Variants in MC2R observed in about 807,000 individuals in gnomAD.
The protein encoded by MC2R is melanocortin 2 receptor.
In MC2R, 9 loss-of-function variants were observed where a neutral mutation model predicts 9.8. That is an observed-to-expected ratio of 0.92 (90% CI 0.55 to 1.60). The LOEUF is 1.60. Among genes scored for constraint, MC2R ranks in the 40% most tolerant of loss-of-function variants. The probability of loss-of-function intolerance (pLI) is 0.00; values close to 1 mark genes in which losing one functional copy is unlikely to be tolerated. For missense variants in MC2R, 370 were observed against 389.0 expected (o/e 0.95, Z 0.41); for synonymous variants, 185 against 154.7 (o/e 1.20, Z -1.45).
chr18:13,900,081 A>G (rs2045369857), intron 1 of MC2R, among the ~76,000 whole-genome samples: 1 of 152,168 alleles, frequency 6.6e-6, no homozygotes, highest in Non-Finnish European at 1.5e-5. Flanking sequence ...AAAAATATGT[A>G]TAGAAACAAC....
At chr18:13,900,217 T>C (rs1485427742) in intron 1 of MC2R, among the ~76,000 whole-genome samples, 1 of 152,094 alleles carries the variant, frequency 6.6e-6, no homozygotes, top group Non-Finnish European at 1.5e-5. Context: ...TAAGATAGTA[T>C]TTGCAAGCCT....
chr18:13,884,440 G>T lies in MC2R; in HGVS notation c.*185C>A, dbSNP rs2045258343. 3 of 670,010 alleles carry T rather than the reference G, an allele frequency of 4.5e-6. No individual in the cohort carries two copies. Among genetic ancestry groups the T allele is most frequent in the East Asian group, 2.7e-5 (1 of 36,992 alleles). 41.5% of individuals were successfully genotyped at this position (670,010 alleles called of 1,614,324 possible). ...ATCTGTCCAGTCACAAAGTTAAGAGGTTGCCCCTACAATAAGACTGTTCAC... is the reference window on the plus strand; with the variant it reads ...ATCTGTCCAGTCACAAAGTTAAGAGTTTGCCCCTACAATAAGACTGTTCAC... On this transcript the variant is annotated 3_prime_UTR_variant, in exon 2 of 2. Coordinates refer to ENST00000327606, the MANE Select transcript of MC2R (RefSeq NM_000529.2).
In MC2R at chr18:13,884,989, G is replaced by A. The variant is rs1468565785; in HGVS notation, c.530C>T (p.Thr177Ile). 6.2e-7 allele frequency: 1 copy of A among 1,614,152 alleles called. No individual in the cohort carries two copies. The highest frequency in any genetic ancestry group is 2.2e-5 in the East Asian group (1 of 44,882). Residue 177 changes from threonine to isoleucine, a missense_variant, in exon 2 of 2, where the codon ACC becomes ATC. By Grantham distance (89) the Thr-to-Ile change is moderately conservative. Transcript: ENST00000327606. ...IFSHHVPTVITFTSLFPLMLV... is the reference protein window; with the variant it reads ...IFSHHVPTVIIFTSLFPLMLV... ...CATCAGCGGGAACAGCGACGTGAAG[G>A]TGATCACTGTGGGCACATGATGGGA...
At chr18:13,903,837 G>A (rs1036257881) in intron 1 of MC2R, among the ~76,000 whole-genome samples, 3 of 152,194 alleles carry the variant, frequency 2.0e-5, no homozygotes, top group Middle Eastern at 3.4e-3. Flanking sequence ...AAAAAATGCA[G>A]CCTTAAAGGA....
chr18:13,884,858 G>A lies in MC2R; in HGVS notation c.661C>T (p.Leu221=), dbSNP rs767516999. ...PRANMKGAIT[L]TILLGVFIFC... Reference sequence around the variant, plus strand: ...ATGAAGACCCCGAGCAGGATGGTCAGTGTGATGGCCCCTTTCATGTTGGCT... The same window carrying A: ...ATGAAGACCCCGAGCAGGATGGTCAATGTGATGGCCCCTTTCATGTTGGCT... Residue 221 remains leucine, a synonymous_variant, in exon 2 of 2, where the codon CTG becomes TTG. Coordinates refer to ENST00000327606, the MANE Select transcript of MC2R (RefSeq NM_000529.2). 1 of 1,614,078 alleles carries A rather than the reference G, an allele frequency of 6.2e-7. No homozygotes were observed. Among genetic ancestry groups the A allele is most frequent in the East Asian group, 2.2e-5 (1 of 44,872 alleles).
chr18:13,888,538 C>T (rs1172993491), intron 1 of MC2R, among the ~76,000 whole-genome samples: 4 of 152,234 alleles, frequency 2.6e-5, no homozygotes, highest in African/African-American at 4.8e-5. Flanking sequence ...TACAGCAGAG[C>T]CCGCCTTGTG....
At chr18:13,908,302 C>T (rs1269080061) in intron 1 of MC2R, among the ~76,000 whole-genome samples, 1 of 152,132 alleles carries the variant, frequency 6.6e-6, no homozygotes, top group Admixed American at 6.5e-5. Context: ...TGTTCTCACT[C>T]ACATGTGGGA....
chr18:13,905,494 A>G lies in MC2R; in HGVS notation c.-129+9994T>C, dbSNP rs2045408413. Among the ~76,000 whole-genome samples, 5 of 152,156 alleles carry G rather than the reference A, an allele frequency of 3.3e-5. No homozygotes were observed. In the South Asian group the frequency reaches 8.3e-4, roughly 25 times the overall value. On this transcript the variant is annotated intron_variant, in intron 1 of 1. Coordinates refer to ENST00000327606, the MANE Select transcript of MC2R (RefSeq NM_000529.2). ...AGCGAGACTCCCTCTAAAAAAAAAA[A>G]AAGCTCAAGATCACTGATCATCAGA...
In MC2R at chr18:13,892,777, A is replaced by G. The variant is rs1790903; in HGVS notation, c.-128-7131T>C. Among the ~76,000 whole-genome samples, 3 of 150,272 alleles carry G rather than the reference A, an allele frequency of 2.0e-5. No homozygotes were observed. In the Admixed American group the frequency reaches 2.0e-4, roughly 10 times the overall value. ...CCTTATTTTGAAAGAGAGATACAGAAATAGAGATGGAGATAGACATAATCT... is the reference window on the plus strand; with the variant it reads ...CCTTATTTTGAAAGAGAGATACAGAGATAGAGATGGAGATAGACATAATCT... On this transcript the variant is annotated intron_variant, in intron 1 of 1. Coordinates refer to ENST00000327606, the MANE Select transcript of MC2R (RefSeq NM_000529.2).
intron 1 of MC2R, among the ~76,000 whole-genome samples, chr18:13,911,095 C>A (rs1007434899): frequency 6.6e-6 from 1 of 152,204 alleles, no homozygotes; most frequent in South Asian, 2.1e-4. Flanking sequence ...GGTGAGAGTG[C>A]GAAGCAGCAA....
At chr18:13,893,535 C>T (rs1475882098) in intron 1 of MC2R, among the ~76,000 whole-genome samples, 1 of 152,130 alleles carries the variant, frequency 6.6e-6, no homozygotes, top group Non-Finnish European at 1.5e-5. Flanking sequence ...TTTTGCTTGT[C>T]TTACCCTCCA....
At chr18:13,899,036 C>T (rs2045363541) in intron 1 of MC2R, among the ~76,000 whole-genome samples, 2 of 152,080 alleles carry the variant, frequency 1.3e-5, no homozygotes, top group Admixed American at 6.6e-5. Context: ...GGCACCAATT[C>T]TGGAGAAAAA....
At position 13,884,887 on chromosome 18, in the gene MC2R, G is replaced by A. The variant is rs1220332042; in HGVS notation, c.632C>T (p.Pro211Leu). Residue 211 changes from proline (P) to leucine (L), a missense_variant, in exon 2 of 2, where the codon CCC becomes CTC. Physicochemically the swap from Pro to Leu is moderately conservative, Grantham distance 98. Coordinates refer to ENST00000327606, the MANE Select transcript of MC2R (RefSeq NM_000529.2). ...GATGGCCCCTTTCATGTTGGCTCTG[G>A]GGAGGGTGGAGATCTTCCTGGTGTG... ...RSHTRKISTLPRANMKGAITL... is the reference protein window; with the variant it reads ...RSHTRKISTLLRANMKGAITL... The A allele has an allele frequency of 1.9e-6, 3 of 1,614,060 alleles. No individual in the cohort carries two copies. Among genetic ancestry groups the A allele is most frequent in the Admixed American group, 1.7e-5 (1 of 60,022 alleles).
Position 13,885,448 on chromosome 18 carries a change from A to G in MC2R, c.71T>C (p.Val24Ala). 6.2e-7 allele frequency: 1 copy of G among 1,614,132 alleles called. No homozygotes were observed. The highest frequency in any genetic ancestry group is 8.5e-7 in the Non-Finnish European group (1 of 1,180,008). Reference protein sequence around the residue: ...TARNNSDCPRVVLPEEIFFTI... With the variant: ...TARNNSDCPRAVLPEEIFFTI... ...GAAAAATATCTCCTCCGGCAAAACCACACGAGGACAGTCGGAATTATTTCT... is the reference window on the plus strand; with the variant it reads ...GAAAAATATCTCCTCCGGCAAAACCGCACGAGGACAGTCGGAATTATTTCT... Residue 24 changes from valine (V) to alanine (A), a missense_variant, in exon 2 of 2, where the codon GTG becomes GCG. Val to Ala is a moderately conservative substitution (Grantham distance 64, BLOSUM62 0). Coordinates refer to ENST00000327606, the MANE Select transcript of MC2R (RefSeq NM_000529.2).
intron 1 of MC2R, among the ~76,000 whole-genome samples, chr18:13,911,293 A>G (rs777517664): frequency 1.3e-5 from 2 of 152,026 alleles, no homozygotes; most frequent in Non-Finnish European, 2.9e-5. Context: ...AGATAAAGAA[A>G]CTCCATCAAG....
chr18:13,905,594 C>T (rs975404258), intron 1 of MC2R, among the ~76,000 whole-genome samples: 2 of 151,930 alleles, frequency 1.3e-5, no homozygotes, highest in African/African-American at 2.4e-5. Context: ...AGTCAGGAAA[C>T]AATAGATGCT....
chr18:13,894,507 C>G (rs2045335449), intron 1 of MC2R, among the ~76,000 whole-genome samples: 1 of 152,182 alleles, frequency 6.6e-6, no homozygotes, highest in Non-Finnish European at 1.5e-5. Context: ...AGGCTGTGGT[C>G]TGGATTCTAT....
intron 1 of MC2R, among the ~76,000 whole-genome samples, chr18:13,914,568 C>A (rs2045465434): frequency 6.6e-6 from 1 of 152,168 alleles, no homozygotes; most frequent in South Asian, 2.1e-4. Flanking sequence ...CCTTTGTACC[C>A]CTTTCCCATT....
intron 1 of MC2R, among the ~76,000 whole-genome samples, chr18:13,907,535 G>T (rs2045420798): frequency 6.6e-6 from 1 of 152,166 alleles, no homozygotes. Context: ...ACCATACCAA[G>T]ATAGAAAGCT....
Sources: allele counts gnomAD v4.1 joint callset (sites outside exome capture counted in the v4.1 genomes callset), GRCh38; gene constraint gnomAD v4.1.1; transcripts MANE v1.5; gene names NCBI Gene and HGNC (gene_info 2026-07-23, HGNC 2026-07-21).